RCC1: variants seen among roughly 807,000 people sequenced by gnomAD.
RCC1 encodes the protein regulator of chromosome condensation.
Under a neutral mutation model 44.4 loss-of-function variants are expected in RCC1, and 11 were observed. The observed-to-expected ratio is 0.25, with a 90% CI of 0.16 to 0.41. The LOEUF is 0.41. Ranked by LOEUF, RCC1 falls within the 10% of genes least tolerant of loss-of-function variation. The pLI is 1.00. For synonymous variants in RCC1, 213 were observed against 216.5 expected, an observed-to-expected ratio of 0.98 and a Z score of 0.14; for missense variants, 386 against 547.1, an observed-to-expected ratio of 0.71 and a Z score of 2.94.
chr1:28,531,819 C>T lies in RCC1; in HGVS notation c.90C>T (p.His30=). ...SKKVKVSHRS[H]STEPGLVLTL... is the part of the protein sequence containing the mutation. ...ACCCTTCAGTCTCACACAGGTCCCA[C>T]AGCACAGAACCCGGCTTGGTGCTGA... Residue 30 remains histidine (H), a synonymous_variant, in exon 6 of 13, where the codon CAC becomes CAT. Coordinates refer to ENST00000683442, the MANE Select transcript of RCC1 (RefSeq NM_001381865.2). 6.5e-7 allele frequency: 1 copy of T among 1,550,102 alleles called. No individual in the cohort carries two copies. Among genetic ancestry groups the T allele is most frequent in the Non-Finnish European group, 8.7e-7 (1 of 1,153,250 alleles).
At chr1:28,507,918 T>C (rs1662147019) in intron 1 of RCC1, 1 of 307,018 alleles carries the variant, frequency 3.3e-6, no homozygotes, top group Non-Finnish European at 6.4e-6. Flanking sequence ...ATTGAAGTCT[T>C]AATACATGTT....
intron 3 of RCC1, among the ~76,000 whole-genome samples, chr1:28,513,538 T>C (rs1662687061): frequency 6.6e-6 from 1 of 151,886 alleles, no homozygotes; most frequent in Non-Finnish European, 1.5e-5. Flanking sequence ...GTTGGGTTTT[T>C]CAGTATGACA....
chr1:28,524,684 G>A (rs956208080), intron 4 of RCC1, among the ~76,000 whole-genome samples: 7 of 152,108 alleles, frequency 4.6e-5, no homozygotes, highest in South Asian at 2.1e-4. Context: ...ATGGCAAGAC[G>A]TTGTTTCTGC....
chr1:28,526,480 TC>T, intron 4 of RCC1: 2 of 566,856 alleles, frequency 3.5e-6, no homozygotes, highest in East Asian at 3.2e-5. Context: ...GGTGTATTTA[TC>T]CAGGCAAGAC....
chr1:28,522,840 T>C (rs986899775), intron 4 of RCC1, among the ~76,000 whole-genome samples: 2 of 150,906 alleles, frequency 1.3e-5, no homozygotes, highest in African/African-American at 4.9e-5. Context: ...TATATATGTA[T>C]ATATATACAC....
chr1:28,510,473 T>C (rs1272520497), intron 3 of RCC1: 2 of 152,084 alleles, frequency 1.3e-5, no homozygotes, highest in African/African-American at 4.8e-5. Flanking sequence ...AAATACAAAA[T>C]AACTGGGCAT....
At chr1:28,534,332 T>C (rs377162955) in intron 7 of RCC1, among the ~76,000 whole-genome samples, 23 of 152,218 alleles carry the variant, frequency 1.5e-4, no homozygotes, top group African/African-American at 5.1e-4. Context: ...AGGCGCCCGC[T>C]ACAACGCCCG....
At chr1:28,532,615 C>T in intron 7 of RCC1, 1 of 520,560 alleles carries the variant, frequency 1.9e-6, no homozygotes, top group Non-Finnish European at 3.6e-6. Context: ...GAGGCTGATC[C>T]AGGAGGCCTG....
chr1:28,523,087 A>G (rs903482667), intron 4 of RCC1, among the ~76,000 whole-genome samples: 1 of 136,658 alleles, frequency 7.3e-6, no homozygotes, highest in Non-Finnish European at 1.5e-5. Flanking sequence ...GCTGGAGTGC[A>G]GTGGCGTGAT....
chr1:28,521,636 C>T (rs1455099753), intron 4 of RCC1, among the ~76,000 whole-genome samples: 4 of 152,154 alleles, frequency 2.6e-5, no homozygotes, highest in Admixed American at 6.5e-5. Flanking sequence ...ACTCAGGTGC[C>T]GTCTCCACCG....
At chr1:28,521,491 C>T (rs1367298359) in intron 4 of RCC1, among the ~76,000 whole-genome samples, 1 of 145,138 alleles carries the variant, frequency 6.9e-6, no homozygotes, top group Non-Finnish European at 1.5e-5. Context: ...CAGAGCGAGA[C>T]TCCACCTCAG....
intron 3 of RCC1, among the ~76,000 whole-genome samples, chr1:28,511,075 A>G (rs1662501810): frequency 6.6e-6 from 1 of 152,108 alleles, no homozygotes; most frequent in Non-Finnish European, 1.5e-5. Context: ...TAGACTTTCC[A>G]AACAGGCACT....
chr1:28,508,015 T>A, intron 1 of RCC1, 113 bp from the exon 2 acceptor site: 1 of 347,344 alleles, frequency 2.9e-6, no homozygotes, highest in Non-Finnish European at 5.8e-6. Context: ...TGACCTATAC[T>A]CAAACCTATA....
intron 12 of RCC1, 119 bp downstream of exon 12, chr1:28,537,018 T>G: frequency 9.2e-7 from 1 of 1,081,344 alleles, no homozygotes; most frequent in Non-Finnish European, 1.4e-6. Context: ...GAGCAGTGTT[T>G]GTGATGGCAC....
chr1:28,527,219 C>T, intron 4 of RCC1: 1 of 828,514 alleles, frequency 1.2e-6, no homozygotes. Flanking sequence ...CTTCCCACAG[C>T]AGCCGCGATC....
intron 5 of RCC1, chr1:28,530,476 G>A: frequency 6.5e-7 from 1 of 1,536,780 alleles, no homozygotes; most frequent in Non-Finnish European, 8.8e-7. Context: ...CACCAAACTG[G>A]GAGGGGAAGT....
chr1:28,530,562 G>A (rs1336210769), intron 5 of RCC1: 2 of 1,606,230 alleles, frequency 1.2e-6, no homozygotes, highest in East Asian at 2.2e-5. Flanking sequence ...CCTGGCGCCC[G>A]CTCCTGCCAA....
intron 4 of RCC1, among the ~76,000 whole-genome samples, chr1:28,524,578 C>T (rs1663522728): frequency 1.3e-5 from 2 of 152,134 alleles, no homozygotes; most frequent in South Asian, 4.2e-4. Flanking sequence ...AAATAAAAGG[C>T]CAGGCATGGT....
chr1:28,523,207 A>G (rs555712837), intron 4 of RCC1, among the ~76,000 whole-genome samples: 52 of 151,494 alleles, frequency 3.4e-4, no homozygotes, highest in Non-Finnish European at 7.2e-4. Context: ...AATTTTTTGT[A>G]TTTTTAGTAG....
Sources: gnomAD v4.1 joint callset for allele counts (sites outside exome capture counted in the v4.1 genomes callset) on GRCh38, gnomAD v4.1.1 for gene constraint, MANE v1.5 for transcripts, NCBI Gene and HGNC (gene_info 2026-07-23, HGNC 2026-07-21) for gene names.